CCDC149: variants seen among roughly 807,000 people sequenced by gnomAD.
CCDC149 encodes coiled-coil domain-containing protein 149.
Under a neutral mutation model 59.9 loss-of-function variants are expected in CCDC149, and 45 were observed. The observed-to-expected ratio is 0.75, with a 90% confidence interval of 0.59 to 0.96. The LOEUF is 0.96. Among genes scored for constraint, CCDC149 ranks in the 40% least tolerant of loss-of-function variants. The probability of loss-of-function intolerance (pLI) is 0.00; values close to 1 mark genes in which losing one functional copy is unlikely to be tolerated. For synonymous variants in CCDC149, 245 were observed against 260.6 expected, an observed-to-expected ratio of 0.94 and a Z score of 0.58; for missense variants, 584 against 664.7, an observed-to-expected ratio of 0.88 and a Z score of 1.33.
intron 1 of CCDC149, among the ~76,000 whole-genome samples, chr4:24,957,711 A>G (rs1452515007): frequency 6.6e-6 from 1 of 152,238 alleles, no homozygotes; most frequent in Non-Finnish European, 1.5e-5. Flanking sequence ...GTGCATCTCC[A>G]TATTGTTTGT....
intron 1 of CCDC149, among the ~76,000 whole-genome samples, chr4:24,937,883 G>A (rs141157950): frequency 1.5e-4 from 23 of 150,800 alleles, no homozygotes; most frequent in Admixed American, 4.6e-4. Flanking sequence ...TCTGTCTTCT[G>A]ACACCAAATT....
intron 9 of CCDC149, among the ~76,000 whole-genome samples, chr4:24,824,145 C>T (rs991846749): frequency 6.6e-6 from 1 of 152,146 alleles, no homozygotes; most frequent in South Asian, 2.1e-4. Context: ...GAGCAGCATT[C>T]GAAGGTGTGC....
At chr4:24,836,969 C>T (rs545806685) in intron 6 of CCDC149, among the ~76,000 whole-genome samples, 3 of 152,334 alleles carry the variant, frequency 2.0e-5, no homozygotes, top group South Asian at 4.1e-4. Flanking sequence ...CTCATGGGTT[C>T]CTCGCCCTTC....
At chr4:24,846,292 G>A (rs1016840129) in intron 4 of CCDC149, among the ~76,000 whole-genome samples, 6 of 152,130 alleles carry the variant, frequency 3.9e-5, no homozygotes, top group South Asian at 2.1e-4. Context: ...GGTGGGGTGC[G>A]GTGAAGGGCC....
chr4:24,866,503 T>C (rs1439902524), intron 3 of CCDC149, among the ~76,000 whole-genome samples: 2 of 152,152 alleles, frequency 1.3e-5, no homozygotes, highest in Non-Finnish European at 1.5e-5. Flanking sequence ...TAAAGGGTCA[T>C]TGGAGATCTT....
chr4:24,921,763 TA>T (rs1168025164), intron 1 of CCDC149, among the ~76,000 whole-genome samples: 37 of 152,202 alleles, frequency 2.4e-4, no homozygotes, highest in Admixed American at 2.4e-3. Flanking sequence ...CTGAGGAGTT[TA>T]AAGAGTTTTT....
intron 1 of CCDC149, among the ~76,000 whole-genome samples, chr4:24,900,974 G>A (rs751966045): frequency 3.6e-4 from 55 of 152,192 alleles, no homozygotes; most frequent in Non-Finnish European, 7.2e-4. Context: ...GAAGAGGCTC[G>A]AACACCAGGT....
At chr4:24,811,495 A>G (rs956264649) in intron 12 of CCDC149, among the ~76,000 whole-genome samples, 1 of 152,054 alleles carries the variant, frequency 6.6e-6, no homozygotes, top group African/African-American at 2.4e-5. Context: ...TTCGTTCCCT[A>G]TGGCTCCTGT....
intron 1 of CCDC149, among the ~76,000 whole-genome samples, chr4:24,956,310 C>G (rs1417943150): frequency 6.6e-6 from 1 of 152,102 alleles, no homozygotes; most frequent in African/African-American, 2.4e-5. Context: ...CAGTGACCCT[C>G]TATTAACATA....
At chr4:24,805,282 C>T (rs955297659), downstream of CCDC149, among the ~76,000 whole-genome samples, 3 of 152,116 alleles carry the variant, frequency 2.0e-5, no homozygotes, top group African/African-American at 4.8e-5. Context: ...AGGACAAACA[C>T]GTCTGAACAG....
intron 9 of CCDC149, among the ~76,000 whole-genome samples, chr4:24,826,430 G>A (rs994100420): frequency 1.3e-5 from 2 of 152,180 alleles, no homozygotes; most frequent in African/African-American, 4.8e-5. Context: ...GGGGATGCAG[G>A]GGTGCTACAG....
intron 1 of CCDC149, among the ~76,000 whole-genome samples, chr4:24,906,305 A>G (rs1019335464): frequency 5.3e-5 from 8 of 151,848 alleles, no homozygotes; most frequent in African/African-American, 1.9e-4. Context: ...CCATAGCCCC[A>G]GGGTGATTTG....
intron 9 of CCDC149, among the ~76,000 whole-genome samples, chr4:24,824,212 C>A (rs1052532269): frequency 1.3e-5 from 2 of 152,172 alleles, no homozygotes; most frequent in African/African-American, 4.8e-5. Flanking sequence ...AGCCATCTCT[C>A]TCAGAAATGG....
intron 12 of CCDC149, among the ~76,000 whole-genome samples, chr4:24,813,489 A>AATATATCTATATCTATATATCT (rs1186488610): frequency 8.8e-6 from 1 of 113,734 alleles, no homozygotes; most frequent in African/African-American, 4.0e-5. Context: ...CAGCTTGGGG[A>AATATATCTATATCTATATATCT]ATATATATAT....
intron 1 of CCDC149, among the ~76,000 whole-genome samples, chr4:24,890,961 C>A (rs929738405): frequency 3.3e-5 from 5 of 152,254 alleles, no homozygotes; most frequent in Non-Finnish European, 7.3e-5. Context: ...AGAGTCATCG[C>A]TAAAGGGCCA....
chr4:24,876,542 C>T lies in CCDC149; in HGVS notation c.219G>A (p.Glu73=). 1 of 1,613,762 alleles carries T rather than the reference C, an allele frequency of 6.2e-7. No individual in the cohort carries two copies. The highest frequency in any genetic ancestry group is 1.3e-5 in the African/African-American group (1 of 75,042). Residue 73 remains glutamate (E), a synonymous_variant, in exon 2 of 13, where the codon GAG becomes GAA. Coordinates refer to ENST00000635206, the MANE Select transcript of CCDC149 (RefSeq NM_001330643.2). ...AGGGCAGCCTAACACTTACAATCAGCTCTCGGTACTTCTTCTTCAGTGACT... is the reference window on the plus strand; with the variant it reads ...AGGGCAGCCTAACACTTACAATCAGTTCTCGGTACTTCTTCTTCAGTGACT...
chr4:24,891,352 C>T (rs1720520916), intron 1 of CCDC149, among the ~76,000 whole-genome samples: 1 of 152,156 alleles, frequency 6.6e-6, no homozygotes, highest in South Asian at 2.1e-4. Context: ...TGGCTGATAA[C>T]TGTGATGGGC....
chr4:24,838,505 G>A (rs1018641025), intron 4 of CCDC149, among the ~76,000 whole-genome samples: 1 of 152,168 alleles, frequency 6.6e-6, no homozygotes, highest in African/African-American at 2.4e-5. Context: ...TAGGCTGGAT[G>A]TCTGGTGGAG....
intron 1 of CCDC149, chr4:24,895,018 C>CGATGAT: frequency 1.3e-6 from 2 of 1,528,450 alleles, no homozygotes; most frequent in South Asian, 1.2e-5. Context: ...GCCGCTCTGG[C>CGATGAT]GATGATGATG....
Sources: gnomAD v4.1 joint callset for allele counts (sites outside exome capture counted in the v4.1 genomes callset) on GRCh38, gnomAD v4.1.1 for gene constraint, MANE v1.5 for transcripts, NCBI Gene and HGNC (gene_info 2026-07-23, HGNC 2026-07-21) for gene names.